The following GPC6 variants were observed in gnomAD, a reference collection of about 807,000 sequenced individuals.
GPC6 encodes glypican 6.
Under a neutral mutation model 55.2 loss-of-function variants are expected in GPC6, and 14 were observed. The observed-to-expected ratio is 0.25, with a 90% CI of 0.17 to 0.40. The LOEUF (loss-of-function observed/expected upper bound fraction) is 0.40, where lower values mean the gene tolerates loss of function less well. Ranked by LOEUF, GPC6 falls within the 10% of genes least tolerant of loss-of-function variation. The pLI is 1.00. For synonymous variants in GPC6, 278 were observed against 259.6 expected (o/e 1.07, Z -0.68); for missense variants, 641 against 708.5 (o/e 0.90, Z 1.08).
chr13:94,102,832 T>C (rs2138828186), intron 4 of GPC6, among the ~76,000 whole-genome samples: 1 of 152,326 alleles, frequency 6.6e-6, no homozygotes, highest in East Asian at 1.9e-4. Context: ...CTAACAGGCT[T>C]TGTAATCTCA....
intron 1 of GPC6, among the ~76,000 whole-genome samples, chr13:93,444,195 CTTTTTTTTTT>C (rs10659977): frequency 9.0e-6 from 1 of 110,706 alleles, no homozygotes; most frequent in African/African-American, 3.3e-5. Flanking sequence ...TGCAATTCTT[CTTTTTTTTTT>C]TTTTTTTTTG....
chr13:94,336,273 T>C (rs961704802), intron 6 of GPC6, among the ~76,000 whole-genome samples: 1 of 152,160 alleles, frequency 6.6e-6, no homozygotes, highest in African/African-American at 2.4e-5. Flanking sequence ...CCTTAGTACA[T>C]AGAGCTGTTG....
intron 4 of GPC6, among the ~76,000 whole-genome samples, chr13:94,119,239 A>G (rs1410627424): frequency 2.6e-5 from 4 of 152,036 alleles, no homozygotes; most frequent in Non-Finnish European, 5.9e-5. Flanking sequence ...TGGAGCTTAC[A>G]TTCTGGAGAA....
chr13:93,342,209 A>T (rs1208722968), intron 1 of GPC6, among the ~76,000 whole-genome samples: 1 of 152,174 alleles, frequency 6.6e-6, no homozygotes, highest in Non-Finnish European at 1.5e-5. Flanking sequence ...TTAGGGACAC[A>T]GGGTTAAACT....
At position 93,429,058 on chromosome 13, in the gene GPC6, T is replaced by G. The variant is rs199879010; in HGVS notation, c.161-116205T>G. ...AAACCTGGCCACCTTCTGTACACTC[T>G]TAATTAAAAGTGGAATTGATTGCAT... is the stretch of plus-strand genomic sequence containing the variant. On this transcript the variant is annotated intron_variant, in intron 1 of 8. Transcript: ENST00000377047. Among the ~76,000 whole-genome samples the G allele has an allele frequency of 3.9e-5, 6 of 152,062 alleles. No homozygotes were observed. The East Asian group carries it at 5.8e-4, about 15-fold the overall frequency.
intron 1 of GPC6, among the ~76,000 whole-genome samples, chr13:93,288,150 A>G (rs1296002647): frequency 6.6e-6 from 1 of 152,202 alleles, no homozygotes; most frequent in Non-Finnish European, 1.5e-5. Flanking sequence ...TATAAAATTG[A>G]AATAATTAAA....
At chr13:93,839,101 A>G (rs577299166) in intron 3 of GPC6, among the ~76,000 whole-genome samples, 5 of 152,286 alleles carry the variant, frequency 3.3e-5, no homozygotes, top group Admixed American at 3.3e-4. Flanking sequence ...GCAGATAGTT[A>G]AGTGGAAAGG....
At chr13:94,119,129 T>G (rs1468163813) in intron 4 of GPC6, among the ~76,000 whole-genome samples, 2 of 152,028 alleles carry the variant, frequency 1.3e-5, no homozygotes, top group Admixed American at 1.3e-4. Flanking sequence ...TCCTCATATA[T>G]TCACTCATTT....
chr13:93,302,798 C>T (rs891413735), intron 1 of GPC6, among the ~76,000 whole-genome samples: 1 of 152,098 alleles, frequency 6.6e-6, no homozygotes, highest in Non-Finnish European at 1.5e-5. Context: ...GGCAGAGTAC[C>T]GTAATGGAAA....
chr13:93,933,924 T>C (rs2140357010), intron 3 of GPC6, among the ~76,000 whole-genome samples: 1 of 152,286 alleles, frequency 6.6e-6, no homozygotes, highest in East Asian at 1.9e-4. Context: ...AAAATTTCGC[T>C]TGGGCCTCAG....
At chr13:93,390,623 C>G (rs925948017) in intron 1 of GPC6, among the ~76,000 whole-genome samples, 1 of 152,096 alleles carries the variant, frequency 6.6e-6, no homozygotes, top group Non-Finnish European at 1.5e-5. Flanking sequence ...TCTGGGGTGT[C>G]TGCTAAGTTA....
chr13:93,298,761 T>C (rs1878578992), intron 1 of GPC6, among the ~76,000 whole-genome samples: 3 of 152,020 alleles, frequency 2.0e-5, no homozygotes, highest in Admixed American at 6.6e-5. Flanking sequence ...TTCTCTGTCT[T>C]TTTCAAACCA....
At chr13:93,471,655 G>A (rs1422596104) in intron 1 of GPC6, among the ~76,000 whole-genome samples, 2 of 151,900 alleles carry the variant, frequency 1.3e-5, no homozygotes, top group Non-Finnish European at 2.9e-5. Flanking sequence ...ATTTAGAAGT[G>A]TGTTGTTAGT....
chr13:93,319,831 A>G (rs776401797), intron 1 of GPC6, among the ~76,000 whole-genome samples: 1 of 152,036 alleles, frequency 6.6e-6, no homozygotes, highest in Non-Finnish European at 1.5e-5. Context: ...AAAAATACAT[A>G]TGTATTTTTC....
intron 6 of GPC6, among the ~76,000 whole-genome samples, chr13:94,354,119 G>A (rs576708917): frequency 4.6e-5 from 7 of 152,026 alleles, no homozygotes; most frequent in Non-Finnish European, 5.9e-5. Context: ...GCTTAGCTTC[G>A]GAGGCATCTT....
In GPC6 at chr13:93,391,688, AC is replaced by A. The variant is rs531032010; in HGVS notation, c.161-153570del. ...TTTCAACTTGTCTAATGATTCTGCC[AC>A]CCCCTCAGGGTGGGTTTTCATTTCT... On this transcript the variant is annotated intron_variant, in intron 1 of 8. Transcript: ENST00000377047. Among the ~76,000 whole-genome samples, 45 of 151,984 alleles carry A rather than the reference AC, an allele frequency of 3.0e-4. No individual in the cohort carries two copies. In the South Asian group the frequency reaches 9.1e-3, roughly 31 times the overall value.
intron 1 of GPC6, among the ~76,000 whole-genome samples, chr13:93,256,778 A>C (rs1002534530): frequency 6.6e-6 from 1 of 152,184 alleles, no homozygotes; most frequent in African/African-American, 2.4e-5. Context: ...GAGCACATGA[A>C]CTTGGCCCTC....
chr13:93,299,814 G>T (rs1878612909), intron 1 of GPC6, among the ~76,000 whole-genome samples: 1 of 152,172 alleles, frequency 6.6e-6, no homozygotes, highest in Admixed American at 6.5e-5. Flanking sequence ...TCAACTAGAG[G>T]AGATCAAGTA....
At chr13:94,019,763 G>A (rs529144955) in intron 3 of GPC6, among the ~76,000 whole-genome samples, 1 of 152,264 alleles carries the variant, frequency 6.6e-6, no homozygotes, top group South Asian at 2.1e-4. Context: ...GGCTCTGGAT[G>A]GACATGCATT....
Sources: gnomAD v4.1 joint callset for allele counts (sites outside exome capture counted in the v4.1 genomes callset) on GRCh38, gnomAD v4.1.1 for gene constraint, MANE v1.5 for transcripts, NCBI Gene and HGNC (gene_info 2026-07-23, HGNC 2026-07-21) for gene names.